C11orf65: variants seen among roughly 807,000 people sequenced by gnomAD.
The protein encoded by C11orf65 is protein MFI.
A neutral mutation model predicts 35.3 loss-of-function variants in C11orf65; 38 were observed. The ratio of observed to expected loss-of-function variants is 1.08; its 90% CI spans 0.83 to 1.41. The LOEUF (loss-of-function observed/expected upper bound fraction) is 1.41. C11orf65 is among the 40% of genes most tolerant of loss of function. C11orf65 has a pLI of 0.00. For synonymous variants in C11orf65, 105 were observed against 114.4 expected, an observed-to-expected ratio of 0.92 and a Z score of 0.53; for missense variants, 370 against 367.1, an observed-to-expected ratio of 1.01 and a Z score of -0.06.
chr11:108,345,743 G>A lies in C11orf65; in HGVS notation c.227-10451C>T, dbSNP rs1555137929. The A allele has an allele frequency of 1.2e-6, 2 of 1,600,844 alleles. No homozygotes were observed. Among genetic ancestry groups the A allele is most frequent in the Non-Finnish European group, 1.7e-6 (2 of 1,169,320 alleles). On this transcript the variant is annotated intron_variant, in intron 2 of 3. Coordinates refer to the C11orf65 transcript ENST00000524755. ...AATTATATATATTCTCTATTTAAAG[G>A]AGGTGCAAAAAAAGTCTTTTGAAGA... is the stretch of plus-strand genomic sequence containing the variant.
intron 2 of C11orf65, among the ~76,000 whole-genome samples, chr11:108,432,061 C>T (rs1179966619): frequency 6.6e-6 from 1 of 152,142 alleles, no homozygotes; most frequent in African/African-American, 2.4e-5. Flanking sequence ...GTAATTGCAT[C>T]ACTACCAACT....
At chr11:108,394,692 T>C (rs1415616454) in intron 6 of C11orf65, among the ~76,000 whole-genome samples, 1 of 127,060 alleles carries the variant, frequency 7.9e-6, no homozygotes, top group East Asian at 2.2e-4. Context: ...ATTTATTAAT[T>C]CAACACTCAT....
intron 2 of C11orf65, among the ~76,000 whole-genome samples, chr11:108,432,594 T>G (rs1178913382): frequency 2.0e-5 from 3 of 152,166 alleles, no homozygotes. Flanking sequence ...TCCCTAAAAA[T>G]GCTTTAATAA....
intron 2 of C11orf65, among the ~76,000 whole-genome samples, chr11:108,457,500 T>G (rs1406560306): frequency 6.6e-6 from 1 of 151,762 alleles, no homozygotes; most frequent in Non-Finnish European, 1.5e-5. Flanking sequence ...AAAACTCAGC[T>G]GGGTGTGGTA....
intron 2 of C11orf65, among the ~76,000 whole-genome samples, chr11:108,438,318 G>A (rs534441261): frequency 1.1e-4 from 17 of 151,890 alleles, no homozygotes; most frequent in African/African-American, 3.4e-4. Context: ...TTGGGAGGCC[G>A]AGACGGGCAG....
intron 2 of C11orf65, chr11:108,367,628 A>C (rs2091402874): frequency 4.8e-6 from 1 of 208,844 alleles, no homozygotes; most frequent in African/African-American, 2.3e-5. Flanking sequence ...TTGGACCTTG[A>C]AGGTTATATA....
intron 6 of C11orf65, among the ~76,000 whole-genome samples, chr11:108,396,672 A>C (rs1051771090): frequency 1.6e-5 from 2 of 125,164 alleles, no homozygotes; most frequent in Non-Finnish European, 3.6e-5. Context: ...TCTACTAAAA[A>C]TACAAAAAAA....
chr11:108,343,183 G>A (rs2136936674), intron 2 of C11orf65: 1 of 1,611,314 alleles, frequency 6.2e-7, no homozygotes, highest in Non-Finnish European at 8.5e-7. Context: ...CTCTTTAATG[G>A]CCTTTTAAAA....
At chr11:108,364,858 AC>A (rs2091166205) in intron 2 of C11orf65, among the ~76,000 whole-genome samples, 3 of 152,176 alleles carry the variant, frequency 2.0e-5, no homozygotes, top group African/African-American at 7.2e-5. Flanking sequence ...AAGGGATGTC[AC>A]CCCTAACCAT....
intron 2 of C11orf65, among the ~76,000 whole-genome samples, chr11:108,375,564 G>T (rs1246391731): frequency 6.6e-6 from 1 of 152,038 alleles, no homozygotes; most frequent in African/African-American, 2.4e-5. Context: ...AGACTAGGAA[G>T]AAACTGCATC....
At chr11:108,437,735 A>AG (rs1228332569) in intron 2 of C11orf65, among the ~76,000 whole-genome samples, 10 of 148,270 alleles carry the variant, frequency 6.7e-5, no homozygotes, top group African/African-American at 2.5e-4. Flanking sequence ...AAAAAAAAAA[A>AG]AAAGGATAAG....
chr11:108,437,364 G>A (rs972105887), intron 2 of C11orf65, among the ~76,000 whole-genome samples: 2 of 152,040 alleles, frequency 1.3e-5, no homozygotes, highest in African/African-American at 4.8e-5. Context: ...TAAGGCTGCA[G>A]GAACAAATGA....
intron 2 of C11orf65, among the ~76,000 whole-genome samples, chr11:108,377,428 C>A (rs1243789274): frequency 1.1e-4 from 17 of 152,250 alleles, no homozygotes; most frequent in South Asian, 8.3e-4. Flanking sequence ...CAAAATTCAA[C>A]AACCCTTCAT....
At chr11:108,433,436 T>C (rs1377804604) in intron 2 of C11orf65, among the ~76,000 whole-genome samples, 1 of 151,404 alleles carries the variant, frequency 6.6e-6, no homozygotes, top group African/African-American at 2.4e-5. Flanking sequence ...AAAAATTAGT[T>C]AGATGTGGTG....
At chr11:108,408,686 A>C (rs11212612) in intron 3 of C11orf65, among the ~76,000 whole-genome samples, 1,016 of 80,516 alleles carry the variant, frequency 0.013, 22 homozygotes, top group African/African-American at 0.053. Context: ...AATAAAATAA[A>C]ATAAAATAAA....
At chr11:108,313,419 C>G (rs1330119800) in intron 6 of C11orf65, among the ~76,000 whole-genome samples, 3 of 152,196 alleles carry the variant, frequency 2.0e-5, no homozygotes, top group African/African-American at 7.2e-5. Flanking sequence ...CATTTCCCCC[C>G]CTTCCATTTA....
chr11:108,332,819 A>G lies in C11orf65; in HGVS notation c.300-1252T>C, dbSNP rs876658208. 1.2e-6 allele frequency: 2 copies of G among 1,613,504 alleles called. No homozygotes were observed. Among genetic ancestry groups the G allele is most frequent in the Non-Finnish European group, 1.7e-6 (2 of 1,179,734 alleles). On this transcript the variant is annotated intron_variant, in intron 3 of 3. Transcript: ENST00000524755. ...TACTATCAGAAGTAGGAGACCTCAG[A>G]TGGTCAGAAGTGTTGAGGCACTTTG...
downstream of C11orf65, chr11:108,327,814 T>G: frequency 1.6e-6 from 2 of 1,260,402 alleles, no homozygotes; most frequent in Non-Finnish European, 2.3e-6. Flanking sequence ...ATGCTTCATC[T>G]TTTCATCAAG....
intron 6 of C11orf65, among the ~76,000 whole-genome samples, chr11:108,311,133 AT>A (rs146797282): frequency 0.11 from 16,129 of 151,576 alleles, 1,207 homozygotes; most frequent in Non-Finnish European, 0.14. Flanking sequence ...CATCCAACTC[AT>A]TTTTTTTAAT....
Sources: gnomAD v4.1 joint callset for allele counts (sites outside exome capture counted in the v4.1 genomes callset) on GRCh38, gnomAD v4.1.1 for gene constraint, MANE v1.5 for transcripts, NCBI Gene and HGNC (gene_info 2026-07-23, HGNC 2026-07-21) for gene names.